REV1: variants seen among roughly 807,000 people sequenced by gnomAD.
REV1 encodes translesion synthesis protein REV1.
In REV1, 42 loss-of-function variants were observed where a neutral mutation model predicts 137.4. That is an observed-to-expected ratio of 0.31 (90% CI 0.24 to 0.40). The LOEUF is 0.40. Ranked by LOEUF, REV1 falls within the 10% of genes least tolerant of loss-of-function variation. The pLI is 1.00. For missense variants in REV1, 1,282 were observed against 1,490.1 expected, an observed-to-expected ratio of 0.86 and a Z score of 2.30; for synonymous variants, 524 against 519.2, an observed-to-expected ratio of 1.01 and a Z score of -0.12.
At chr2:99,416,614 C>T (rs1677897173) in intron 12 of REV1, among the ~76,000 whole-genome samples, 1 of 152,170 alleles carries the variant, frequency 6.6e-6, no homozygotes. Context: ...GGACATGTAA[C>T]TTCACACTTG....
chr2:99,462,230 C>T (rs181283490), intron 3 of REV1, among the ~76,000 whole-genome samples: 2 of 152,292 alleles, frequency 1.3e-5, no homozygotes, highest in Non-Finnish European at 2.9e-5. Context: ...TTTACAAGTC[C>T]TACTACCCAT....
At chr2:99,426,261 C>T (rs1269836595) in intron 9 of REV1, among the ~76,000 whole-genome samples, 5 of 151,146 alleles carry the variant, frequency 3.3e-5, no homozygotes, top group East Asian at 1.9e-4. Flanking sequence ...GCAGGAGAAT[C>T]GCTTGAACCT....
At chr2:99,484,226 C>T (rs1209496701) in intron 1 of REV1, among the ~76,000 whole-genome samples, 1 of 152,074 alleles carries the variant, frequency 6.6e-6, no homozygotes, top group Non-Finnish European at 1.5e-5. Context: ...TCTACTTAAG[C>T]GTGGAGGGTG....
Position 99,401,468 on chromosome 2 carries a change from G to A in REV1, c.3645-116C>T, listed in dbSNP as rs1170894545. The A allele has an allele frequency of 8.0e-6, 5 of 625,100 alleles. No individual in the cohort carries two copies. In the African/African-American group the frequency reaches 9.4e-5, roughly 12 times the overall value. 38.7% of individuals were successfully genotyped at this position (625,100 alleles called of 1,614,324 possible). ...CAAAAAAAAAAAAAAGTCCTGGCCA[G>A]GTGCGGTGTGGCTCATGCCTGTAAT... On this transcript the variant is annotated intron_variant, in intron 22 of 22. Transcript: ENST00000258428.
intron 1 of REV1, among the ~76,000 whole-genome samples, chr2:99,472,389 G>A (rs558035661): frequency 7.2e-5 from 11 of 152,306 alleles, no homozygotes; most frequent in Non-Finnish European, 4.4e-5. Flanking sequence ...TGGTGGTTGC[G>A]GGTGGAGTTA....
rs1361291556 is a variant in REV1, at chr2:99,442,228, G to A, written c.503+89C>T. On this transcript the variant is annotated intron_variant, in intron 5 of 22. Transcript: ENST00000258428. ...GATCATACCATTGCACTCCAGCCTC[G>A]GCAACAAGAGCAAAACTCCATCTCA... 1.3e-5 allele frequency: 16 copies of A among 1,241,338 alleles called. No individual in the cohort carries two copies. In the South Asian group the frequency reaches 1.9e-4, roughly 15 times the overall value. The allele number at this position is 1,241,338 out of a possible 1,614,324, so 76.9% of individuals were successfully genotyped here. A position where few individuals can be genotyped will look rare whatever the true frequency, so the allele number is the denominator to read the frequency against.
intron 9 of REV1, among the ~76,000 whole-genome samples, chr2:99,429,171 C>A (rs1679793578): frequency 6.6e-6 from 1 of 151,942 alleles, no homozygotes; most frequent in Non-Finnish European, 1.5e-5. Context: ...ATTATTACTC[C>A]CTCTACTTTT....
At chr2:99,421,414 A>G in intron 11 of REV1, 85 bp downstream of exon 11, 2 of 1,347,756 alleles carry the variant, frequency 1.5e-6, no homozygotes, top group Middle Eastern at 2.3e-4. Flanking sequence ...GAGGAAGCTA[A>G]TAAAAAGAAA....
chr2:99,426,959 C>T (rs1348016493), intron 9 of REV1, among the ~76,000 whole-genome samples: 11 of 152,018 alleles, frequency 7.2e-5, no homozygotes, highest in African/African-American at 2.2e-4. Context: ...CCAAGGCGAG[C>T]GGGTCACGAG....
intron 1 of REV1, among the ~76,000 whole-genome samples, chr2:99,481,034 A>G (rs578200514): frequency 6.6e-6 from 1 of 152,368 alleles, no homozygotes; most frequent in South Asian, 2.1e-4. Context: ...GCAAAAGAAT[A>G]TTAACCTCCA....
At chr2:99,465,814 A>C (rs1314354353) in intron 1 of REV1, among the ~76,000 whole-genome samples, 1 of 152,208 alleles carries the variant, frequency 6.6e-6, no homozygotes, top group Admixed American at 6.5e-5. Flanking sequence ...TACCATATGA[A>C]GCCTTATATA....
At chr2:99,447,180 CAG>C (rs766021854) in intron 4 of REV1, among the ~76,000 whole-genome samples, 1 of 149,046 alleles carries the variant, frequency 6.7e-6, no homozygotes, top group South Asian at 2.1e-4. Flanking sequence ...TTTTTTTAGA[CAG>C]AGTCTCACTT....
rs138427727 is a variant in REV1 at position 99,453,764 on chromosome 2, G to A, written c.182-4260C>T. Among the ~76,000 whole-genome samples the A allele has an allele frequency of 9.9e-3, 1,506 of 151,590 alleles. 21 individuals are homozygous for A. The highest frequency in any genetic ancestry group is 0.034 in the African/African-American group (1,411 of 41,310). ...AAAAATCAGCTGGGCATGGTAACAC[G>A]CGCCTGTAGTCCCAGCTACTCAGGA... On this transcript the variant is annotated intron_variant, in intron 3 of 22. Coordinates refer to ENST00000258428, the MANE Select transcript of REV1 (RefSeq NM_016316.4).
chr2:99,442,119 G>T (rs1446461569), intron 5 of REV1, among the ~76,000 whole-genome samples, 198 bp downstream of exon 5: 2 of 152,094 alleles, frequency 1.3e-5, no homozygotes, highest in East Asian at 3.9e-4. Flanking sequence ...AGGCGTGGTG[G>T]CACACGCCTG....
At chr2:99,432,067 G>C (rs1039181876) in intron 8 of REV1, 1 of 235,910 alleles carries the variant, frequency 4.2e-6, no homozygotes, top group African/African-American at 2.3e-5. Context: ...ATCCAGGAAG[G>C]GGTAAAAGGC....
chr2:99,411,763 T>C (rs1677187075), intron 13 of REV1, among the ~76,000 whole-genome samples: 1 of 151,892 alleles, frequency 6.6e-6, no homozygotes, highest in Non-Finnish European at 1.5e-5. Context: ...TTTGTAACTA[T>C]GTTAATAAGT....
chr2:99,412,706 G>A (rs1677347433), intron 13 of REV1, 25 bp downstream of exon 13: 2 of 1,554,872 alleles, frequency 1.3e-6, no homozygotes, highest in Admixed American at 1.7e-5. Context: ...GCAACAGATG[G>A]CAAAATCTGT....
intron 1 of REV1, among the ~76,000 whole-genome samples, chr2:99,468,435 G>T (rs1346851260): frequency 3.3e-5 from 5 of 152,164 alleles, no homozygotes; most frequent in Non-Finnish European, 1.5e-5. Context: ...TTTTTATCCT[G>T]TTCCAAGCAA....
chr2:99,426,392 T>C (rs975015005), intron 9 of REV1, among the ~76,000 whole-genome samples: 1 of 152,086 alleles, frequency 6.6e-6, no homozygotes, highest in South Asian at 2.1e-4. Context: ...AAATATCATG[T>C]TCTTATATTT....
Sources: allele counts gnomAD v4.1 joint callset (sites outside exome capture counted in the v4.1 genomes callset), GRCh38; gene constraint gnomAD v4.1.1; transcripts MANE v1.5; gene names NCBI Gene and HGNC (gene_info 2026-07-23, HGNC 2026-07-21).